LRBA: variants seen among roughly 807,000 people sequenced by gnomAD.
LRBA encodes LPS responsive beige-like anchor protein, also known as lipopolysaccharide-responsive and beige-like anchor protein.
LRBA carries 176 observed loss-of-function variants against 330.0 expected under a neutral mutation model. The observed-to-expected ratio is 0.53, with a 90% CI of 0.47 to 0.60. The LOEUF is 0.60. LRBA is among the 20% of genes least tolerant of loss of function. The pLI is 0.00. For missense variants in LRBA, 3,259 were observed against 3,444.8 expected, an observed-to-expected ratio of 0.95 and a Z score of 1.35; for synonymous variants, 1,230 against 1,193.0, an observed-to-expected ratio of 1.03 and a Z score of -0.64.
intron 47 of LRBA, among the ~76,000 whole-genome samples, chr4:150,359,189 A>G (rs1207957583): frequency 2.0e-5 from 3 of 152,222 alleles, no homozygotes; most frequent in Non-Finnish European, 2.9e-5. Flanking sequence ...GACTAAAAGT[A>G]TTATACATTC....
At chr4:150,913,159 G>A (rs889292666) in intron 9 of LRBA, among the ~76,000 whole-genome samples, 5 of 152,170 alleles carry the variant, frequency 3.3e-5, no homozygotes, top group Admixed American at 2.6e-4. Context: ...CCTGGAGAAT[G>A]TTCTGTGTGT....
At position 150,659,158 on chromosome 4, in the gene LRBA, G is replaced by A. The variant is rs1219173075; in HGVS notation, c.5921+24393C>T. 2.4e-4 allele frequency among the ~76,000 whole-genome samples: 32 copies of A among 135,826 alleles called. No homozygotes were observed. The East Asian group carries it at 7.0e-3, about 30-fold the overall frequency. The allele number at this position is 135,826 out of a possible 152,430, so 89.1% of individuals were successfully genotyped here. ...CGCCACCCCGTCTGGGAAGGGAGGA[G>A]TGTCTCTGCCTGGCCGCCCATCGTC... On this transcript the variant is annotated intron_variant, in intron 37 of 56. Transcript: ENST00000651943.
intron 36 of LRBA, among the ~76,000 whole-genome samples, chr4:150,685,519 C>T (rs1214097666): frequency 7.1e-6 from 1 of 141,514 alleles, no homozygotes; most frequent in South Asian, 2.3e-4. Flanking sequence ...CTGCAACCTC[C>T]GCCTCCTGGG....
chr4:150,994,064 C>CAA (rs538401022), intron 2 of LRBA, among the ~76,000 whole-genome samples: 2,757 of 82,248 alleles, frequency 0.034, 101 homozygotes, highest in African/African-American at 0.095. Flanking sequence ...GACTCTGTCT[C>CAA]AAAAAAAAAA....
rs554484689 is a variant in LRBA at position 150,368,928 on chromosome 4, T to C, written c.7195-18769A>G. 4.6e-5 allele frequency among the ~76,000 whole-genome samples: 7 copies of C among 152,274 alleles called. No homozygotes were observed. In the South Asian group the frequency reaches 1.2e-3, roughly 27 times the overall value. Reference sequence around the variant, plus strand: ...ATAGCCTGAAAACAGATTAAACTGTTTGGAGTGTTCAAATATCTGATGGTG... The same window carrying C: ...ATAGCCTGAAAACAGATTAAACTGTCTGGAGTGTTCAAATATCTGATGGTG... On this transcript the variant is annotated intron_variant, in intron 47 of 56. Coordinates refer to ENST00000651943, the MANE Select transcript of LRBA (RefSeq NM_001364905.1).
intron 53 of LRBA, among the ~76,000 whole-genome samples, chr4:150,289,023 G>A (rs574623738): frequency 3.3e-5 from 5 of 152,144 alleles, no homozygotes; most frequent in African/African-American, 1.2e-4. Flanking sequence ...GTTTTCTTGG[G>A]AGCATGGTGG....
chr4:150,607,091 GA>G (rs1205729964), intron 37 of LRBA, among the ~76,000 whole-genome samples: 1 of 152,176 alleles, frequency 6.6e-6, no homozygotes, highest in Admixed American at 6.5e-5. Flanking sequence ...GTTTTGGTAA[GA>G]AATCACAGCT....
At chr4:151,009,888 G>A (rs1323148999) in intron 2 of LRBA, among the ~76,000 whole-genome samples, 42 of 152,008 alleles carry the variant, frequency 2.8e-4, no homozygotes, top group Admixed American at 2.0e-3. Flanking sequence ...GCTGAGGCAG[G>A]AGAATGGCGT....
intron 48 of LRBA, among the ~76,000 whole-genome samples, chr4:150,330,268 TCA>T (rs1306214071): frequency 3.9e-5 from 6 of 152,180 alleles, no homozygotes; most frequent in Non-Finnish European, 7.4e-5. Flanking sequence ...ACTCTTATCT[TCA>T]GTTTTCTAAG....
chr4:150,327,454 G>C (rs150329987), intron 48 of LRBA, among the ~76,000 whole-genome samples: 1 of 152,160 alleles, frequency 6.6e-6, no homozygotes, highest in African/African-American at 2.4e-5. Flanking sequence ...GTACAAGCCA[G>C]ACCTGTCTCC....
intron 43 of LRBA, among the ~76,000 whole-genome samples, chr4:150,469,787 C>A (rs2152065030): frequency 6.6e-6 from 1 of 152,254 alleles, no homozygotes; most frequent in East Asian, 1.9e-4. Context: ...GCTCTCAAAC[C>A]TGTCTCCCTC....
At chr4:150,567,980 T>C (rs1247781965) in intron 40 of LRBA, among the ~76,000 whole-genome samples, 1 of 151,984 alleles carries the variant, frequency 6.6e-6, no homozygotes, top group Non-Finnish European at 1.5e-5. Flanking sequence ...ATTAGAGTGT[T>C]TAAGATCAAC....
chr4:150,867,010 A>C (rs1752787120), intron 22 of LRBA, among the ~76,000 whole-genome samples: 1 of 151,750 alleles, frequency 6.6e-6, no homozygotes, highest in African/African-American at 2.4e-5. Flanking sequence ...ATTATAGAGG[A>C]GTAACCCAAT....
intron 40 of LRBA, among the ~76,000 whole-genome samples, chr4:150,515,863 G>C (rs928178218): frequency 6.6e-6 from 1 of 151,990 alleles, no homozygotes; most frequent in African/African-American, 2.4e-5. Flanking sequence ...GAAAGGCAGA[G>C]AGGGACCATG....
chr4:150,281,935 A>G (rs921530360), intron 55 of LRBA, among the ~76,000 whole-genome samples: 1 of 152,206 alleles, frequency 6.6e-6, no homozygotes, highest in African/African-American at 2.4e-5. Context: ...AATTCATATC[A>G]TAATTTGAAG....
At position 150,789,081 on chromosome 4, in the gene LRBA, T is replaced by A. The variant is rs190126090; in HGVS notation, c.5580+9000A>T. The stretch of plus-strand genomic sequence containing the variant: ...AGAGTGAGACTCTGTCTCAAAAAAA[T>A]ATATATATATATTCAAAATCTATCA... On this transcript the variant is annotated intron_variant, in intron 34 of 56. Transcript: ENST00000651943. Among the ~76,000 whole-genome samples the A allele has an allele frequency of 4.9e-3, 751 of 151,754 alleles. 4 individuals are homozygous for A. Among genetic ancestry groups the A allele is most frequent in the African/African-American group, 0.017 (694 of 41,458 alleles).
At chr4:150,274,581 A>T (rs955864624) in intron 56 of LRBA, among the ~76,000 whole-genome samples, 6 of 152,226 alleles carry the variant, frequency 3.9e-5, no homozygotes, top group Non-Finnish European at 8.8e-5. Flanking sequence ...GAGAAGAATC[A>T]AATATACACA....
At chr4:150,467,923 T>C (rs935139447) in intron 43 of LRBA, 138 bp from the exon 44 acceptor site, 28 of 489,972 alleles carry the variant, frequency 5.7e-5, no homozygotes, top group African/African-American at 5.0e-4. Context: ...CTTTCTCTCA[T>C]TTAATCCTCA....
Position 150,675,154 on chromosome 4 carries a change from C to A in LRBA, c.5921+8397G>T, listed in dbSNP as rs1056119753. Among the ~76,000 whole-genome samples the A allele has an allele frequency of 3.9e-5, 6 of 152,030 alleles. No individual in the cohort carries two copies. In the East Asian group the frequency reaches 1.2e-3, roughly 29 times the overall value. On this transcript the variant is annotated intron_variant, in intron 37 of 56. Coordinates refer to ENST00000651943, the MANE Select transcript of LRBA (RefSeq NM_001364905.1). ...GGTTGATGCTACAGTGAGCTGTGAT[C>A]TGCACTCCAGTCTGGGTGGCAGAGC...
Sources: gnomAD v4.1 joint callset for allele counts (sites outside exome capture counted in the v4.1 genomes callset) on GRCh38, gnomAD v4.1.1 for gene constraint, MANE v1.5 for transcripts, NCBI Gene and HGNC (gene_info 2026-07-23, HGNC 2026-07-21) for gene names.